INPP4B: variants seen among roughly 807,000 people sequenced by gnomAD.
INPP4B encodes inositol polyphosphate 4-phosphatase type II.
A neutral mutation model predicts 122.5 loss-of-function variants in INPP4B; 55 were observed. The observed-to-expected ratio is 0.45, with a 90% CI of 0.36 to 0.56. The LOEUF (loss-of-function observed/expected upper bound fraction) is 0.56. Ranked by LOEUF, INPP4B falls within the 20% of genes least tolerant of loss-of-function variation. INPP4B has a pLI of 0.00. For missense variants in INPP4B, 1,000 were observed against 1,097.7 expected, an observed-to-expected ratio of 0.91 and a Z score of 1.26; for synonymous variants, 403 against 388.7, an observed-to-expected ratio of 1.04 and a Z score of -0.43.
intron 2 of INPP4B, among the ~76,000 whole-genome samples, chr4:142,652,031 T>C (rs1269660799): frequency 6.6e-6 from 1 of 152,176 alleles, no homozygotes; most frequent in East Asian, 1.9e-4. Context: ...CACTATCAGG[T>C]CAGCTTCATC....
intron 14 of INPP4B, among the ~76,000 whole-genome samples, chr4:142,201,992 T>TTA (rs1840809732): frequency 6.6e-6 from 1 of 152,056 alleles, no homozygotes; most frequent in Non-Finnish European, 1.5e-5. Flanking sequence ...TGGGAATATC[T>TTA]TATAGAAAAT....
intron 1 of INPP4B, among the ~76,000 whole-genome samples, chr4:142,755,892 G>C (rs1257959118): frequency 2.0e-5 from 3 of 151,952 alleles, no homozygotes; most frequent in Non-Finnish European, 4.4e-5. Flanking sequence ...CCCAGAAATT[G>C]TTCCCCACAA....
At chr4:142,163,628 T>C (rs1402290352) in intron 16 of INPP4B, among the ~76,000 whole-genome samples, 3 of 151,916 alleles carry the variant, frequency 2.0e-5, no homozygotes, top group Non-Finnish European at 4.4e-5. Flanking sequence ...AGTCTCTTAC[T>C]GTGCCTAATT....
chr4:142,590,685 A>C (rs1218409801), intron 2 of INPP4B, among the ~76,000 whole-genome samples: 1 of 151,892 alleles, frequency 6.6e-6, no homozygotes, highest in Non-Finnish European at 1.5e-5. Flanking sequence ...TTAATATTGT[A>C]TATAATATAT....
intron 7 of INPP4B, among the ~76,000 whole-genome samples, chr4:142,348,592 T>A (rs1391098): frequency 0.3 from 45,625 of 151,748 alleles, 7,726 homozygotes; most frequent in Non-Finnish European, 0.39. Context: ...CAAGTGCAAA[T>A]CCAGCCTATA....
intron 25 of INPP4B, among the ~76,000 whole-genome samples, chr4:142,045,768 TA>T (rs1246296393): frequency 1.3e-5 from 2 of 152,140 alleles, no homozygotes; most frequent in Non-Finnish European, 2.9e-5. Context: ...AGTCAAGAGA[TA>T]TTAATTAAGC....
At chr4:142,613,538 G>T (rs1743027905) in intron 2 of INPP4B, among the ~76,000 whole-genome samples, 1 of 152,188 alleles carries the variant, frequency 6.6e-6, no homozygotes, top group South Asian at 2.1e-4. Flanking sequence ...TATGGCTACA[G>T]ATCCTTGGGA....
chr4:142,411,784 C>T (rs55734648), intron 5 of INPP4B, among the ~76,000 whole-genome samples: 2,327 of 152,108 alleles, frequency 0.015, 52 homozygotes, highest in African/African-American at 0.052. Context: ...CCCAGCTACT[C>T]GGGAGGCTGA....
At chr4:142,469,598 G>A (rs955872883) in intron 2 of INPP4B, among the ~76,000 whole-genome samples, 2 of 152,042 alleles carry the variant, frequency 1.3e-5, no homozygotes, top group African/African-American at 4.8e-5. Flanking sequence ...TATATTTTGT[G>A]ACATAACATG....
intron 2 of INPP4B, among the ~76,000 whole-genome samples, chr4:142,611,136 C>T (rs192110569): frequency 9.8e-4 from 149 of 152,226 alleles, no homozygotes; most frequent in Non-Finnish European, 1.3e-3. Context: ...AGGCATGGCA[C>T]GTCTTACATG....
At chr4:142,336,587 A>G (rs1334237049) in intron 7 of INPP4B, among the ~76,000 whole-genome samples, 2 of 152,244 alleles carry the variant, frequency 1.3e-5, no homozygotes, top group African/African-American at 4.8e-5. Flanking sequence ...AGAGAGAGAA[A>G]TAACACCCCC....
intron 23 of INPP4B, among the ~76,000 whole-genome samples, chr4:142,104,084 T>C (rs562916352): frequency 6.6e-6 from 1 of 152,258 alleles, no homozygotes; most frequent in South Asian, 2.1e-4. Flanking sequence ...ATTAGAGCCG[T>C]ATGACAATAT....
At chr4:142,233,862 T>C (rs892405790) in intron 12 of INPP4B, among the ~76,000 whole-genome samples, 1 of 152,100 alleles carries the variant, frequency 6.6e-6, no homozygotes, top group Non-Finnish European at 1.5e-5. Flanking sequence ...TTTTCTCAGT[T>C]GGATAGGATA....
At chr4:142,316,853 T>C (rs1767898954) in intron 7 of INPP4B, among the ~76,000 whole-genome samples, 2 of 152,330 alleles carry the variant, frequency 1.3e-5, no homozygotes, top group East Asian at 3.9e-4. Context: ...GCTTTTCTTA[T>C]GTAAAATATA....
chr4:142,288,035 G>A (rs183893974), intron 9 of INPP4B, among the ~76,000 whole-genome samples: 361 of 152,156 alleles, frequency 2.4e-3, no homozygotes, highest in Non-Finnish European at 4.3e-3. Context: ...CCCACCATGA[G>A]GGCCTCACAC....
chr4:142,505,865 T>A (rs1017340488), intron 2 of INPP4B, among the ~76,000 whole-genome samples: 2 of 152,204 alleles, frequency 1.3e-5, no homozygotes, highest in Non-Finnish European at 2.9e-5. Context: ...ACAATTCTCC[T>A]ATACCCAGAT....
At chr4:142,151,365 A>T (rs1813820702) in intron 17 of INPP4B, among the ~76,000 whole-genome samples, 1 of 152,164 alleles carries the variant, frequency 6.6e-6, no homozygotes, top group South Asian at 2.1e-4. Flanking sequence ...CATCCACCAG[A>T]TGAGATTCCC....
chr4:142,036,337 C>CCAAT (rs1051556514), intron 25 of INPP4B, among the ~76,000 whole-genome samples: 5 of 152,080 alleles, frequency 3.3e-5, no homozygotes, highest in Non-Finnish European at 5.9e-5. Flanking sequence ...CATCTGTCAA[C>CCAAT]CAATCAATCA....
At chr4:142,402,166 T>G (rs1801830573) in intron 7 of INPP4B, among the ~76,000 whole-genome samples, 1 of 152,220 alleles carries the variant, frequency 6.6e-6, no homozygotes, top group South Asian at 2.1e-4. Context: ...GTTTACTGCC[T>G]CATGCTACAA....
Sources: allele counts gnomAD v4.1 joint callset (sites outside exome capture counted in the v4.1 genomes callset), GRCh38; gene constraint gnomAD v4.1.1; transcripts MANE v1.5; gene names NCBI Gene and HGNC (gene_info 2026-07-23, HGNC 2026-07-21).